Variants in VAV3 observed in about 807,000 individuals in gnomAD.
The protein encoded by VAV3 is vav guanine nucleotide exchange factor 3.
VAV3 carries 94 observed loss-of-function variants against 131.2 expected under a neutral mutation model. That is an observed-to-expected ratio of 0.72 (90% CI 0.61 to 0.85). The LOEUF is 0.85. Among genes scored for constraint, VAV3 ranks in the 40% least tolerant of loss-of-function variants. The pLI is 0.00. For synonymous variants in VAV3, 349 were observed against 342.0 expected, an observed-to-expected ratio of 1.02 and a Z score of -0.22; for missense variants, 939 against 1,002.7, an observed-to-expected ratio of 0.94 and a Z score of 0.86.
At position 107,602,500 on chromosome 1, in the gene VAV3, A is replaced by C; in HGVS notation, c.2133-16T>G. The stretch of plus-strand genomic sequence containing the variant: ...ATTATTGTACCTGTGGGCAATGAAT[A>C]ACTTATGAATATAAATGTGTTTTTA... On this transcript the variant is annotated splice_polypyrimidine_tract_variant and intron_variant, in intron 23 of 26. Coordinates refer to ENST00000370056, the MANE Select transcript of VAV3 (RefSeq NM_006113.5). The C allele has an allele frequency of 6.5e-7, 1 of 1,543,680 alleles. No homozygotes were observed. Among genetic ancestry groups the C allele is most frequent in the Non-Finnish European group, 8.7e-7 (1 of 1,149,150 alleles).
chr1:107,765,281 C>G (rs1463122927), intron 8 of VAV3, 106 bp from the exon 9 acceptor site: 2 of 798,564 alleles, frequency 2.5e-6, no homozygotes, highest in Non-Finnish European at 2.1e-6. Context: ...TTAGGGATAA[C>G]CAAAATAGCA....
At chr1:107,586,489 G>A (rs1051245810) in intron 25 of VAV3, among the ~76,000 whole-genome samples, 10 of 152,116 alleles carry the variant, frequency 6.6e-5, no homozygotes, top group Non-Finnish European at 1.2e-4. Flanking sequence ...AAGGAGAAAG[G>A]GAAGGGTGGA....
chr1:107,583,415 T>C (rs936690808), intron 25 of VAV3, among the ~76,000 whole-genome samples: 173 of 152,208 alleles, frequency 1.1e-3, no homozygotes, highest in African/African-American at 4.1e-3. Context: ...CCAGGGCAAT[T>C]AGGCAGGAGA....
chr1:107,631,628 T>G (rs1355295955), intron 20 of VAV3, among the ~76,000 whole-genome samples: 1 of 60,496 alleles, frequency 1.7e-5, no homozygotes, highest in Non-Finnish European at 3.0e-5. Flanking sequence ...CCCTCCCCCC[T>G]CCCCCCACCC....
At chr1:107,860,189 C>A (rs192475774) in intron 2 of VAV3, among the ~76,000 whole-genome samples, 1 of 152,072 alleles carries the variant, frequency 6.6e-6, no homozygotes, top group African/African-American at 2.4e-5. Flanking sequence ...GGCATGATCT[C>A]GACTCACTGC....
intron 2 of VAV3, among the ~76,000 whole-genome samples, chr1:107,821,519 T>C (rs1667789211): frequency 6.6e-6 from 1 of 152,098 alleles, no homozygotes; most frequent in African/African-American, 2.4e-5. Flanking sequence ...GTGAAGATCG[T>C]GAACAATCCA....
intron 24 of VAV3, among the ~76,000 whole-genome samples, 183 bp downstream of exon 24, chr1:107,602,214 G>T (rs1237450600): frequency 6.6e-6 from 1 of 151,986 alleles, no homozygotes; most frequent in Admixed American, 6.6e-5. Context: ...TACGATTCGA[G>T]CAATATAAAA....
rs566600994 is a variant in VAV3, at chr1:107,707,885, A to G, written c.1503-2824T>C. Among the ~76,000 whole-genome samples, 38 of 152,354 alleles carry G rather than the reference A, an allele frequency of 2.5e-4. No individual in the cohort carries two copies. The South Asian group carries it at 7.9e-3, about 32-fold the overall frequency. ...AAGACGACAGAAATGTCAGGATTAC[A>G]GATTTGGAGAAACAAAAAATTAAAA... On this transcript the variant is annotated intron_variant, in intron 15 of 26. Transcript: ENST00000370056.
At chr1:107,678,262 T>C (rs1658354204) in intron 19 of VAV3, among the ~76,000 whole-genome samples, 1 of 152,230 alleles carries the variant, frequency 6.6e-6, no homozygotes, top group Non-Finnish European at 1.5e-5. Flanking sequence ...GAAATATATT[T>C]TTACACATTT....
At chr1:107,829,221 T>C (rs1031637564) in intron 2 of VAV3, among the ~76,000 whole-genome samples, 1 of 152,208 alleles carries the variant, frequency 6.6e-6, no homozygotes, top group Non-Finnish European at 1.5e-5. Context: ...AAGGGGATGA[T>C]AGTGCTGCTT....
At chr1:107,845,382 T>A (rs560279037) in intron 2 of VAV3, among the ~76,000 whole-genome samples, 1 of 152,218 alleles carries the variant, frequency 6.6e-6, no homozygotes, top group South Asian at 2.1e-4. Context: ...AAAACCAGAA[T>A]GCCTCTCATC....
intron 2 of VAV3, among the ~76,000 whole-genome samples, chr1:107,857,223 C>T (rs923161100): frequency 3.3e-5 from 5 of 152,094 alleles, no homozygotes; most frequent in African/African-American, 1.2e-4. Flanking sequence ...GGCAGAAAAA[C>T]ACGAAAAGGC....
intron 1 of VAV3, among the ~76,000 whole-genome samples, chr1:107,902,635 A>G (rs541293166): frequency 1.1e-4 from 17 of 152,188 alleles, no homozygotes; most frequent in Non-Finnish European, 2.4e-4. Flanking sequence ...GAATAACCTG[A>G]GGTCCTACAT....
At chr1:107,675,838 A>G (rs529728756) in intron 19 of VAV3, among the ~76,000 whole-genome samples, 2 of 152,350 alleles carry the variant, frequency 1.3e-5, no homozygotes, top group South Asian at 2.1e-4. Flanking sequence ...ACAGGGCTAC[A>G]AGAAGATCAA....
At chr1:107,890,094 T>C (rs1351336685) in intron 1 of VAV3, among the ~76,000 whole-genome samples, 1 of 152,170 alleles carries the variant, frequency 6.6e-6, no homozygotes, top group Non-Finnish European at 1.5e-5. Flanking sequence ...AAAAATAAAA[T>C]TTTATTCTTT....
chr1:107,852,763 T>C (rs1571044898), intron 2 of VAV3, among the ~76,000 whole-genome samples: 1 of 152,188 alleles, frequency 6.6e-6, no homozygotes. Context: ...CTTAAAAGTA[T>C]ATTTACTAGG....
intron 2 of VAV3, among the ~76,000 whole-genome samples, chr1:107,847,969 A>G (rs962696656): frequency 8.5e-5 from 13 of 152,166 alleles, no homozygotes; most frequent in African/African-American, 2.9e-4. Flanking sequence ...AAAACAGAAA[A>G]CTTCAGGCCA....
chr1:107,782,339 T>C (rs1338084459), intron 2 of VAV3, among the ~76,000 whole-genome samples: 1 of 152,196 alleles, frequency 6.6e-6, no homozygotes, highest in Non-Finnish European at 1.5e-5. Flanking sequence ...ACCCCTCCCC[T>C]ACACACCGCC....
intron 20 of VAV3, among the ~76,000 whole-genome samples, chr1:107,635,314 T>C (rs1182128605): frequency 6.6e-6 from 1 of 152,072 alleles, no homozygotes; most frequent in Non-Finnish European, 1.5e-5. Flanking sequence ...GTTCATGTCC[T>C]TTGTAGGGAC....
Sources: gnomAD v4.1 joint callset for allele counts (sites outside exome capture counted in the v4.1 genomes callset) on GRCh38, gnomAD v4.1.1 for gene constraint, MANE v1.5 for transcripts, NCBI Gene and HGNC (gene_info 2026-07-23, HGNC 2026-07-21) for gene names.